The following DSE variants were observed in gnomAD, a reference collection of about 807,000 sequenced individuals.
DSE encodes the protein dermatan sulfate epimerase.
A neutral mutation model predicts 84.4 loss-of-function variants in DSE; 36 were observed. The observed-to-expected ratio is 0.43, with a 90% CI of 0.33 to 0.56. The LOEUF (loss-of-function observed/expected upper bound fraction) is 0.56. DSE is among the 20% of genes least tolerant of loss of function. DSE has a pLI of 0.06. For missense variants in DSE, 862 were observed against 1,169.6 expected (o/e 0.74, Z 3.84); for synonymous variants, 410 against 430.1 (o/e 0.95, Z 0.58).
At chr6:116,370,189 T>G, upstream of DSE, 1 of 306,374 alleles carries the variant, frequency 3.3e-6, no homozygotes, top group South Asian at 2.9e-5. Flanking sequence ...ATGAGGGATC[T>G]CTCTCTCTCA....
chr6:116,431,815 T>C (rs1197594137), intron 4 of DSE, among the ~76,000 whole-genome samples: 2 of 152,218 alleles, frequency 1.3e-5, no homozygotes, highest in African/African-American at 4.8e-5. Context: ...TAATAATGTA[T>C]TCATTTCCAG....
intron 4 of DSE, among the ~76,000 whole-genome samples, chr6:116,432,182 G>A (rs1157328644): frequency 6.6e-6 from 1 of 152,182 alleles, no homozygotes; most frequent in Admixed American, 6.5e-5. Flanking sequence ...GCTACCTGAA[G>A]CAAGGGACCT....
At chr6:116,338,219 C>CTTTTTTTT (rs893312210) in intron 2 of DSE, among the ~76,000 whole-genome samples, 159 of 91,176 alleles carry the variant, frequency 1.7e-3, no homozygotes, top group Non-Finnish European at 2.0e-3. Flanking sequence ...TTTCTTCTTT[C>CTTTTTTTT]TTTTTTTTTT....
At chr6:116,414,048 C>A (rs977029298) in intron 2 of DSE, among the ~76,000 whole-genome samples, 1 of 152,172 alleles carries the variant, frequency 6.6e-6, no homozygotes, top group East Asian at 1.9e-4. Flanking sequence ...GGGGAGTGTA[C>A]GAGGTGGCAG....
intron 2 of DSE, chr6:116,259,194 T>A: frequency 1.5e-6 from 1 of 664,216 alleles, no homozygotes; most frequent in Non-Finnish European, 2.6e-6. Flanking sequence ...AGAGCAAACT[T>A]ACTTGTAATT....
intron 2 of DSE, among the ~76,000 whole-genome samples, chr6:116,349,706 C>T (rs1284017588): frequency 1.3e-5 from 2 of 152,132 alleles, no homozygotes; most frequent in Non-Finnish European, 1.5e-5. Flanking sequence ...CATGGCCTGG[C>T]CTCCTTCTAT....
At chr6:116,280,919 A>T (rs1773488856) in intron 2 of DSE, among the ~76,000 whole-genome samples, 1 of 152,204 alleles carries the variant, frequency 6.6e-6, no homozygotes, top group African/African-American at 2.4e-5. Context: ...GGCAAACGTT[A>T]TTTTCTACTT....
Position 116,279,952 on chromosome 6 carries a change from T to G in DSE, c.-54+20985T>G, listed in dbSNP as rs745950733. ...CACTAACATTTCAGCGGCGGTGTCG[T>G]CAGGACTGGAGATCTCACGGTATCG... On this transcript the variant is annotated intron_variant, in intron 2 of 3. Coordinates refer to the DSE transcript ENST00000430252. 2.3e-4 allele frequency: 330 copies of G among 1,426,214 alleles called. 1 individual carries two copies. Among genetic ancestry groups the G allele is most frequent in the Non-Finnish European group, 1.8e-4 (181 of 1,014,938 alleles). 88.3% of individuals were successfully genotyped at this position (1,426,214 alleles called of 1,614,324 possible). A position where few individuals can be genotyped will look rare whatever the true frequency, so the allele number is the denominator to read the frequency against.
At chr6:116,433,220 T>G (rs1783952242) in intron 4 of DSE, 123 bp from the exon 5 acceptor site, 1 of 944,696 alleles carries the variant, frequency 1.1e-6, no homozygotes, top group South Asian at 1.7e-5. Flanking sequence ...GATTTTTCTT[T>G]TATTTTATCC....
At chr6:116,361,216 C>G (rs961700299) in intron 2 of DSE, among the ~76,000 whole-genome samples, 5 of 151,976 alleles carry the variant, frequency 3.3e-5, no homozygotes, top group African/African-American at 1.2e-4. Flanking sequence ...TACGCCACCA[C>G]GCCTGGGTAA....
chr6:116,358,204 TTTTG>T (rs969484879), intron 2 of DSE, among the ~76,000 whole-genome samples: 12 of 152,202 alleles, frequency 7.9e-5, no homozygotes, highest in African/African-American at 2.9e-4. Flanking sequence ...TAGGTGATTT[TTTTG>T]TTTGTTTGTT....
At chr6:116,279,615 C>CTGGG in intron 2 of DSE, 1 of 1,602,780 alleles carries the variant, frequency 6.2e-7, no homozygotes, top group Non-Finnish European at 8.5e-7. Context: ...CCGCGGCATC[C>CTGGG]TGGGGTACGC....
chr6:116,260,163 TTAATAA>T (rs1437252346), intron 2 of DSE, among the ~76,000 whole-genome samples: 2 of 152,204 alleles, frequency 1.3e-5, no homozygotes, highest in Admixed American at 1.3e-4. Flanking sequence ...TTTTTACTTT[TTAATAA>T]TAGCCATTCT....
At chr6:116,268,870 A>G (rs1400751495) in intron 2 of DSE, among the ~76,000 whole-genome samples, 1 of 152,186 alleles carries the variant, frequency 6.6e-6, no homozygotes, top group Non-Finnish European at 1.5e-5. Flanking sequence ...TCAGTAAAAT[A>G]ACTGTGGCAT....
rs191880322 is a variant in DSE at position 116,290,403 on chromosome 6, T to C, written c.-54+31436T>C. 4.6e-5 allele frequency among the ~76,000 whole-genome samples: 7 copies of C among 152,234 alleles called. No homozygotes were observed. In the East Asian group the frequency reaches 1.4e-3, roughly 29 times the overall value. On this transcript the variant is annotated intron_variant, in intron 2 of 3. Transcript: ENST00000430252. Reference sequence around the variant, plus strand: ...AATATATTAATCTAAACAGGACATATGGTTTTTAGGAGTTAAGTGCCCTCA... The same window carrying C: ...AATATATTAATCTAAACAGGACATACGGTTTTTAGGAGTTAAGTGCCCTCA...
At chr6:116,332,067 G>A (rs560165916) in intron 2 of DSE, among the ~76,000 whole-genome samples, 2 of 152,200 alleles carry the variant, frequency 1.3e-5, no homozygotes, top group Admixed American at 1.3e-4. Context: ...TTGTATCCCA[G>A]CAACCTTGTT....
chr6:116,433,604 A>ACT, intron 5 of DSE, 54 bp downstream of exon 5: 2 of 1,527,050 alleles, frequency 1.3e-6, no homozygotes, highest in Non-Finnish European at 1.8e-6. Flanking sequence ...GGTACTATTC[A>ACT]TGCTATGCAC....
intron 2 of DSE, among the ~76,000 whole-genome samples, chr6:116,275,500 C>A (rs575587812): frequency 5.9e-5 from 9 of 152,274 alleles, no homozygotes; most frequent in African/African-American, 2.2e-4. Flanking sequence ...GACAACTATG[C>A]AAAACATTAT....
chr6:116,290,917 C>T (rs10452619), intron 2 of DSE, among the ~76,000 whole-genome samples: 147 of 152,248 alleles, frequency 9.7e-4, no homozygotes, highest in African/African-American at 3.4e-3. Context: ...AAAAAGTAAA[C>T]AAAGCACCCA....
Sources: gnomAD v4.1 joint callset for allele counts (sites outside exome capture counted in the v4.1 genomes callset) on GRCh38, gnomAD v4.1.1 for gene constraint, MANE v1.5 for transcripts, NCBI Gene and HGNC (gene_info 2026-07-23, HGNC 2026-07-21) for gene names.